Variants in CDC42EP4 observed in about 807,000 individuals in gnomAD.
CDC42EP4 encodes CDC42 effector protein (Rho GTPase binding) 4.
CDC42EP4 carries 6 observed loss-of-function variants against 5.6 expected under a neutral mutation model. The observed-to-expected ratio is 1.07, with a 90% CI of 0.59 to 2.12. The LOEUF is 2.12. Among genes scored for constraint, CDC42EP4 ranks in the 30% most tolerant of loss-of-function variants. The probability of loss-of-function intolerance (pLI) is 0.00; values close to 1 mark genes in which losing one functional copy is unlikely to be tolerated. For synonymous variants in CDC42EP4, 230 were observed against 224.2 expected (o/e 1.03, Z -0.23); for missense variants, 490 against 508.6 (o/e 0.96, Z 0.35).
rs151292502 is a variant in CDC42EP4, at chr17:73,286,303, G to T, written c.198C>A (p.Asp66Glu). The change falls in exon 2 of 2, where the codon GAC becomes GAA. Residue 66 changes from aspartate (D) to glutamate (E), a missense_variant. Physicochemically the swap from Asp to Glu is conservative, Grantham distance 45 (BLOSUM62 2). Coordinates refer to ENST00000335793, the MANE Select transcript of CDC42EP4 (RefSeq NM_012121.5). The surrounding 1 kb of genome is among the most constrained non-coding windows in gnomAD (Gnocchi z 7.7). ...TGGAAGATGAAGAAGAGGGCTGTTCGTCCAAGGACTCGCCGTCGGGCTCGC... is the reference window on the plus strand; with the variant it reads ...TGGAAGATGAAGAAGAGGGCTGTTCTTCCAAGGACTCGCCGTCGGGCTCGC... ...KAGEPDGESL[D>E]EQPSSSSSKR... The T allele has an allele frequency of 6.2e-7, 1 of 1,614,082 alleles. No individual in the cohort carries two copies. Among genetic ancestry groups the T allele is most frequent in the Non-Finnish European group, 8.5e-7 (1 of 1,180,030 alleles).
At chr17:73,298,230 G>T (rs1599436929) in intron 1 of CDC42EP4, among the ~76,000 whole-genome samples, 2 of 152,118 alleles carry the variant, frequency 1.3e-5, no homozygotes, top group Non-Finnish European at 2.9e-5. Flanking sequence ...AGCCAGACAC[G>T]TTTATTAGGT....
In CDC42EP4 at chr17:73,285,984, G is replaced by A; in HGVS notation, c.517C>T (p.His173Tyr). ...VPRRNGAAGP[H>Y]SPDPLLDEQA... Reference sequence around the variant, plus strand: ...TCATCGAGGAGGGGGTCAGGGGAATGTGGACCCGCGGCCCCATTCCGACGG... The same window carrying A: ...TCATCGAGGAGGGGGTCAGGGGAATATGGACCCGCGGCCCCATTCCGACGG... Residue 173 changes from histidine to tyrosine, a missense_variant, in exon 2 of 2, where the codon CAT (histidine) becomes TAT (tyrosine). Physicochemically the swap from His to Tyr is moderately conservative, Grantham distance 83. Transcript: ENST00000335793. This position sits in a 1 kb window ranked among gnomAD's most constrained non-coding sequence, Gnocchi z 6.8. The A allele has an allele frequency of 1.2e-6, 2 of 1,613,518 alleles. No individual in the cohort carries two copies. The highest frequency in any genetic ancestry group is 1.7e-6 in the Non-Finnish European group (2 of 1,179,848).
chr17:73,311,125 G>A (rs1266093748), intron 1 of CDC42EP4: 1 of 152,312 alleles, frequency 6.6e-6, no homozygotes, highest in East Asian at 1.9e-4. Context: ...GCTCCAAGGG[G>A]GCGGGTGGCT....
chr17:73,309,343 G>A (rs917654444), intron 1 of CDC42EP4, among the ~76,000 whole-genome samples: 26 of 152,074 alleles, frequency 1.7e-4, no homozygotes, highest in African/African-American at 5.3e-4. Context: ...GCAAGACCTG[G>A]TCTCAAAAAA....
At chr17:73,297,019 C>T (rs1252604169) in intron 1 of CDC42EP4, among the ~76,000 whole-genome samples, 5 of 121,328 alleles carry the variant, frequency 4.1e-5, no homozygotes, top group South Asian at 2.6e-4. Context: ...CAAGGCCAAG[C>T]GCCGTGGCTC....
chr17:73,297,993 A>C (rs2062197423), intron 1 of CDC42EP4, among the ~76,000 whole-genome samples: 1 of 115,420 alleles, frequency 8.7e-6, no homozygotes. Context: ...AAACAACAAC[A>C]GCGAAAAAAA....
At chr17:73,297,605 A>G (rs115978477) in intron 1 of CDC42EP4, among the ~76,000 whole-genome samples, 2,271 of 152,310 alleles carry the variant, frequency 0.015, 59 homozygotes, top group African/African-American at 0.05. Context: ...GGAGAAATTA[A>G]GAAGTTATGT....
rs760506742 is a variant in CDC42EP4 at position 73,286,416 on chromosome 17, C to G, written c.85G>C (p.Ala29Pro). 10 of 1,613,704 alleles carry G rather than the reference C, an allele frequency of 6.2e-6. No homozygotes were observed. The Admixed American group carries it at 8.3e-5, about 13-fold the overall frequency. The stretch of plus-strand genomic sequence containing the variant: ...GTGTGGCGGAAGTCGCCCAGCGGGG[C>G]GCTGATCATCTCGGCCGTGAGGTCC... ...RADLTAEMISAPLGDFRHTMH... is the reference protein window; with the variant it reads ...RADLTAEMISPPLGDFRHTMH... The change falls in exon 2 of 2, where the codon GCC becomes CCC. Residue 29 changes from alanine (A) to proline (P), a missense_variant. Transcript: ENST00000335793. This position sits in a 1 kb window ranked among gnomAD's most constrained non-coding sequence, Gnocchi z 7.7.
chr17:73,286,194 G>C lies in CDC42EP4; in HGVS notation c.307C>G (p.Leu103Val). Residue 103 changes from leucine (L) to valine (V), a missense_variant, in exon 2 of 2, where the codon CTG becomes GTG. Transcript: ENST00000335793. The surrounding 1 kb of genome is among the most constrained non-coding windows in gnomAD (Gnocchi z 7.7). Reference sequence around the variant, plus strand: ...AGGGCCGAGTCCCGCAGGGAGCCCAGCATGTCACGCTGCTCCCGCTCCCCC... The same window carrying C: ...AGGGCCGAGTCCCGCAGGGAGCCCACCATGTCACGCTGCTCCCGCTCCCCC... ...TRGEREQRDM[L>V]GSLRDSALFV... 1 of 1,614,134 alleles carries C rather than the reference G, an allele frequency of 6.2e-7. No homozygotes were observed. Among genetic ancestry groups the C allele is most frequent in the East Asian group, 2.2e-5 (1 of 44,882 alleles).
intron 1 of CDC42EP4, among the ~76,000 whole-genome samples, chr17:73,296,700 C>T (rs1599435024): frequency 6.6e-6 from 1 of 151,190 alleles, no homozygotes; most frequent in East Asian, 2.0e-4. Context: ...AAAAAATACA[C>T]GGCTGGGCAC....
At position 73,284,457 on chromosome 17, in the gene CDC42EP4, C is replaced by T. The variant is rs1299381393; in HGVS notation, c.*973G>A. 6.6e-6 allele frequency: 1 copy of T among 152,114 alleles called. No individual in the cohort carries two copies. Among genetic ancestry groups the T allele is most frequent in the African/African-American group, 2.4e-5 (1 of 41,426 alleles). The allele number at this position is 152,114 out of a possible 1,614,324, so 9.4% of individuals were successfully genotyped here. Reference sequence around the variant, plus strand: ...GAAAACACACACACCAGACACCCACCCCATGTCATTCTAAATAAAGTTGGG... The same window carrying T: ...GAAAACACACACACCAGACACCCACTCCATGTCATTCTAAATAAAGTTGGG... On this transcript the variant is annotated 3_prime_UTR_variant, in exon 2 of 2. Transcript: ENST00000335793.
chr17:73,285,856 G>A lies in CDC42EP4; in HGVS notation c.645C>T (p.Pro215=), dbSNP rs779500963. The A allele has an allele frequency of 6.2e-7, 1 of 1,613,894 alleles. No homozygotes were observed. Among genetic ancestry groups the A allele is most frequent in the African/African-American group, 1.3e-5 (1 of 74,934 alleles). The part of the protein sequence containing the change: ...SIMSFHIDLG[P]SMLGDVLSIM... ...TGCTGAGGACGTCACCCAGCATGGA[G>A]GGCCCCAGGTCGATGTGGAAGGACA... Residue 215 remains proline (P), a synonymous_variant, in exon 2 of 2, where the codon CCC becomes CCT. Coordinates refer to ENST00000335793, the MANE Select transcript of CDC42EP4 (RefSeq NM_012121.5). The surrounding 1 kb of genome is among the most constrained non-coding windows in gnomAD (Gnocchi z 6.8).
intron 1 of CDC42EP4, among the ~76,000 whole-genome samples, chr17:73,304,233 G>T (rs1305015266): frequency 6.6e-6 from 1 of 150,956 alleles, no homozygotes; most frequent in African/African-American, 2.4e-5. Flanking sequence ...CAGGCATTGT[G>T]TTAGGTGATT....
intron 1 of CDC42EP4, chr17:73,310,738 C>A (rs2062269009): frequency 6.7e-6 from 1 of 150,202 alleles, no homozygotes; most frequent in Non-Finnish European, 1.4e-5. Flanking sequence ...GCACCCCTCC[C>A]CCAGTCACAC....
intron 1 of CDC42EP4, among the ~76,000 whole-genome samples, chr17:73,288,400 G>A (rs937356481): frequency 6.6e-6 from 1 of 151,162 alleles, no homozygotes; most frequent in African/African-American, 2.4e-5. Context: ...ACACCACCAC[G>A]TCCAGCTATT....
chr17:73,289,482 C>T (rs2062149832), intron 1 of CDC42EP4, among the ~76,000 whole-genome samples: 1 of 151,950 alleles, frequency 6.6e-6, no homozygotes, highest in African/African-American at 2.4e-5. Flanking sequence ...CTGCCCCCCA[C>T]CCCAACACTT....
chr17:73,307,845 G>A (rs531372197), intron 1 of CDC42EP4, among the ~76,000 whole-genome samples: 58 of 146,824 alleles, frequency 4.0e-4, no homozygotes, highest in African/African-American at 1.1e-3. Context: ...GGGTTCAAGC[G>A]ATTCTTGTGT....
chr17:73,287,139 C>T (rs755288905), intron 1 of CDC42EP4, among the ~76,000 whole-genome samples: 10 of 152,162 alleles, frequency 6.6e-5, no homozygotes, highest in Middle Eastern at 3.2e-3. Flanking sequence ...AAGGACAGGA[C>T]GGGCTCAGGG....
chr17:73,287,989 C>T (rs2062142674), intron 1 of CDC42EP4, among the ~76,000 whole-genome samples: 1 of 152,170 alleles, frequency 6.6e-6, no homozygotes, highest in African/African-American at 2.4e-5. Flanking sequence ...TAGTCCCCAC[C>T]TCGCTCCTCA....
Sources: gnomAD v4.1 joint callset for allele counts (sites outside exome capture counted in the v4.1 genomes callset) on GRCh38, gnomAD v4.1.1 for gene constraint, Gnocchi (gnomAD v3.1) non-coding constraint, MANE v1.5 for transcripts, NCBI Gene and HGNC (gene_info 2026-07-23, HGNC 2026-07-21) for gene names.